The following HDAC8 variants were observed in gnomAD, a reference collection of about 807,000 sequenced individuals.
The protein encoded by HDAC8 is histone deacetylase 8.
A neutral mutation model predicts 32.2 loss-of-function variants in HDAC8; 1 was observed. The ratio of observed to expected loss-of-function variants is 0.03; its 90% CI spans 0.01 to 0.15. HDAC8 has a LOEUF of 0.15. Among genes scored for constraint, HDAC8 ranks in the 10% least tolerant of loss-of-function variants. The probability of loss-of-function intolerance (pLI) is 1.00; values close to 1 mark genes in which losing one functional copy is unlikely to be tolerated. For missense variants in HDAC8, 117 were observed against 300.0 expected, an observed-to-expected ratio of 0.39 and a Z score of 4.51; for synonymous variants, 108 against 113.9, an observed-to-expected ratio of 0.95 and a Z score of 0.33.
At chrX:72,357,653 T>C (rs782804668) in intron 9 of HDAC8, among the ~76,000 whole-genome samples, 1 of 110,081 alleles carries the variant, frequency 9.1e-6, no homozygotes, top group East Asian at 2.9e-4. Flanking sequence ...GAGGCAGAGA[T>C]GAGAGTGATG....
At chrX:72,374,219 A>T (rs1261420825) in intron 9 of HDAC8, among the ~76,000 whole-genome samples, 40 of 111,361 alleles carry the variant, frequency 3.6e-4, no homozygotes, top group South Asian at 1.5e-3. Context: ...CTAATTTTTT[A>T]AAAAAGTTTT....
At chrX:72,371,105 T>TTTAGTATG (rs2044861737) in intron 9 of HDAC8, among the ~76,000 whole-genome samples, 2 of 112,001 alleles carry the variant, frequency 1.8e-5, no homozygotes, top group African/African-American at 6.5e-5. Flanking sequence ...GAAAAGGTCC[T>TTTAGTATG]TATCTGTTAG....
intron 4 of HDAC8, among the ~76,000 whole-genome samples, chrX:72,508,616 C>T (rs1556020245): frequency 8.9e-6 from 1 of 112,034 alleles, no homozygotes. Context: ...GAGGGATCTA[C>T]CCTCAAGAAT....
At chrX:72,440,396 A>C (rs782629830) in intron 9 of HDAC8, among the ~76,000 whole-genome samples, 2 of 111,747 alleles carry the variant, frequency 1.8e-5, no homozygotes, top group Admixed American at 1.9e-4. Flanking sequence ...TCGACACCCT[A>C]ACATCACAAT....
intron 9 of HDAC8, among the ~76,000 whole-genome samples, chrX:72,388,312 G>T (rs2045510770): frequency 9.2e-6 from 1 of 109,257 alleles, no homozygotes; most frequent in Non-Finnish European, 1.9e-5. Context: ...AAGACTGGAG[G>T]GATACCAGTC....
chrX:72,351,311 G>C (rs782360089), intron 10 of HDAC8: 7 of 180,207 alleles, frequency 3.9e-5, no homozygotes, highest in Non-Finnish European at 5.2e-5. Context: ...TGTTGCTCAG[G>C]TTGGTTTTGA....
chrX:72,488,855 G>A, intron 7 of HDAC8, 78 bp downstream of exon 7: 1 of 576,941 alleles, frequency 1.7e-6, no homozygotes, highest in Non-Finnish European at 2.8e-6. Context: ...CATTGTTCTT[G>A]TTTACATTGT....
chrX:72,559,376 A>G (rs1463482184), intron 4 of HDAC8, among the ~76,000 whole-genome samples: 6 of 110,175 alleles, frequency 5.4e-5, no homozygotes, highest in African/African-American at 1.3e-4. Context: ...TCAGTGCTCA[A>G]TGTTGCCCAG....
intron 9 of HDAC8, among the ~76,000 whole-genome samples, chrX:72,399,306 A>G (rs1421918710): frequency 9.0e-6 from 1 of 111,533 alleles, no homozygotes; most frequent in Non-Finnish European, 1.9e-5. Context: ...GTATAGGTCT[A>G]TTTTCAGGTT....
chrX:72,447,040 A>G (rs1346483368), intron 9 of HDAC8, among the ~76,000 whole-genome samples: 1 of 112,237 alleles, frequency 8.9e-6, no homozygotes, highest in Non-Finnish European at 1.9e-5. Context: ...TTCCTTCTGA[A>G]ACTATTCCAA....
chrX:72,443,266 A>T (rs1177702810), intron 9 of HDAC8, among the ~76,000 whole-genome samples: 2 of 109,558 alleles, frequency 1.8e-5, no homozygotes, highest in Non-Finnish European at 3.8e-5. Context: ...CTATTCCAAA[A>T]TTGACCACAT....
intron 1 of HDAC8, 197 bp downstream of exon 1, chrX:72,572,454 C>G: frequency 2.4e-6 from 1 of 422,998 alleles, no homozygotes; most frequent in East Asian, 3.9e-5. Flanking sequence ...TTGGACGTCC[C>G]GAAGAGACAT....
intron 7 of HDAC8, chrX:72,466,611 G>A (rs189349517): frequency 8.0e-5 from 9 of 112,182 alleles, no homozygotes; most frequent in African/African-American, 2.6e-4. Context: ...TATCTTGCTG[G>A]TGGGAACGTA....
intron 6 of HDAC8, 61 bp downstream of exon 6, chrX:72,490,868 A>C (rs1556009136): frequency 2.3e-6 from 2 of 869,291 alleles, no homozygotes; most frequent in African/African-American, 4.0e-5. Flanking sequence ...AGTATAAGAA[A>C]TGTGTAGAAG....
At chrX:72,474,589 A>T in intron 7 of HDAC8, 5 of 1,184,576 alleles carry the variant, frequency 4.2e-6, no homozygotes, top group African/African-American at 1.8e-5. Flanking sequence ...CAAGATATTC[A>T]TTTAAAATGC....
rs2043471372 is a variant in HDAC8 at position 72,329,990 on chromosome X, A to AAATG, written c.*63_*64insCATT. The AAATG allele has an allele frequency of 9.6e-7, 1 of 1,044,191 alleles. No homozygotes were observed. Among genetic ancestry groups the AAATG allele is most frequent in the Non-Finnish European group, 1.3e-6 (1 of 751,025 alleles). The allele number at this position is 1,044,191 out of a possible 1,213,427, so 86.1% of individuals were successfully genotyped here. A position where few individuals can be genotyped will look rare whatever the true frequency, so the allele number is the denominator to read the frequency against. ...CACAAATTCCACAAACTGCTTGCAT[A>AAATG]AACACGCTGTCTTCATTATAGGCAC... On this transcript the variant is annotated 3_prime_UTR_variant, in exon 11 of 11. Transcript: ENST00000373573.
At position 72,572,567 on chromosome X, in the gene HDAC8, C is replaced by G. The variant is rs887595391; in HGVS notation, c.111+84G>C. The G allele has an allele frequency of 1.4e-5, 9 of 654,289 alleles. No individual in the cohort carries two copies. In the African/African-American group the frequency reaches 1.8e-4, roughly 13 times the overall value. The allele number at this position is 654,289 out of a possible 1,213,427, so 53.9% of individuals were successfully genotyped here. A position where few individuals can be genotyped will look rare whatever the true frequency, so the allele number is the denominator to read the frequency against. ...CTGAAGATTTCCCCCAGCCCAGTGT[C>G]CTCTCCGCTTCCTAACGCTCTTTCG... is the stretch of plus-strand genomic sequence containing the variant. On this transcript the variant is annotated intron_variant, in intron 1 of 10. Transcript: ENST00000373573.
rs1330618659 is a variant in HDAC8 at position 72,442,041 on chromosome X, G to C, written c.1005+19963C>G. Among the ~76,000 whole-genome samples, 4 of 111,265 alleles carry C rather than the reference G, an allele frequency of 3.6e-5. No homozygotes were observed. In the East Asian group the frequency reaches 1.1e-3, roughly 32 times the overall value. The stretch of plus-strand genomic sequence containing the variant: ...CAAGAAATATGGGACTATGTGAAAA[G>C]ACCAAATCTACGTCTGATTGGTGTA... On this transcript the variant is annotated intron_variant, in intron 9 of 10. Coordinates refer to ENST00000373573, the MANE Select transcript of HDAC8 (RefSeq NM_018486.3).
At position 72,329,823 on chromosome X, in the gene HDAC8, T is replaced by G; in HGVS notation, c.*231A>C. On this transcript the variant is annotated 3_prime_UTR_variant, in exon 11 of 11. Coordinates refer to ENST00000373573, the MANE Select transcript of HDAC8 (RefSeq NM_018486.3). ...GTGTGTGTTTTTTTAAATAAGAACTTTAAATGTGGGATATCTCCTTCTTCC... is the reference window on the plus strand; with the variant it reads ...GTGTGTGTTTTTTTAAATAAGAACTGTAAATGTGGGATATCTCCTTCTTCC... The G allele has an allele frequency of 9.8e-7, 1 of 1,017,557 alleles. No individual in the cohort carries two copies. The highest frequency in any genetic ancestry group is 1.9e-5 in the African/African-American group (1 of 53,398). 83.9% of individuals were successfully genotyped at this position (1,017,557 alleles called of 1,213,427 possible).
Sources: allele counts gnomAD v4.1 joint callset (sites outside exome capture counted in the v4.1 genomes callset), GRCh38; gene constraint gnomAD v4.1.1; transcripts MANE v1.5; gene names NCBI Gene and HGNC (gene_info 2026-07-23, HGNC 2026-07-21).